The following P3H2 variants were observed in gnomAD, a reference collection of about 807,000 sequenced individuals.
P3H2 encodes the protein leprecan-like 1.
P3H2 carries 80 observed loss-of-function variants against 87.0 expected under a neutral mutation model. That is an observed-to-expected ratio of 0.92 (90% CI 0.77 to 1.11). The LOEUF is 1.11. P3H2 is among the 50% of genes least tolerant of loss of function. The pLI is 0.00. For missense variants in P3H2, 1,001 were observed against 923.9 expected (o/e 1.08, Z -1.08); for synonymous variants, 367 against 359.3 (o/e 1.02, Z -0.24).
intron 8 of P3H2, among the ~76,000 whole-genome samples, chr3:189,976,437 G>A (rs931558265): frequency 2.6e-5 from 4 of 152,266 alleles, no homozygotes; most frequent in South Asian, 2.1e-4. Flanking sequence ...GGAAACTCCC[G>A]TTTATAAAAC....
intron 1 of P3H2, among the ~76,000 whole-genome samples, chr3:190,042,624 A>G (rs1577291793): frequency 6.6e-6 from 1 of 152,230 alleles, no homozygotes; most frequent in Non-Finnish European, 1.5e-5. Context: ...AACCTTATGA[A>G]TAAAAGTACA....
At chr3:189,972,396 T>C (rs944108293) in intron 11 of P3H2, among the ~76,000 whole-genome samples, 4 of 152,210 alleles carry the variant, frequency 2.6e-5, no homozygotes, top group East Asian at 1.9e-4. Flanking sequence ...TCTACTCCTA[T>C]GACATCATTA....
intron 1 of P3H2, among the ~76,000 whole-genome samples, chr3:190,107,202 T>A (rs1444110577): frequency 1.3e-5 from 2 of 152,184 alleles, no homozygotes; most frequent in African/African-American, 4.8e-5. Context: ...ACATTTTTCG[T>A]TATTAGTTTA....
intron 1 of P3H2, among the ~76,000 whole-genome samples, chr3:190,024,970 AGACT>A (rs1286296810): frequency 6.6e-6 from 1 of 152,122 alleles, no homozygotes; most frequent in Non-Finnish European, 1.5e-5. Context: ...GTCCAAAAAC[AGACT>A]GACTTATCAA....
chr3:190,103,992 A>G (rs1479773541), intron 1 of P3H2, among the ~76,000 whole-genome samples: 1 of 151,990 alleles, frequency 6.6e-6, no homozygotes, highest in African/African-American at 2.4e-5. Flanking sequence ...GGACTTCACT[A>G]TGTTGGCCAG....
chr3:189,963,499 CA>C (rs1722877244), intron 14 of P3H2: 1 of 182,090 alleles, frequency 5.5e-6, no homozygotes, highest in African/African-American at 2.4e-5. Context: ...GGCTGAAGTG[CA>C]GTGGTGCGAT....
chr3:190,054,206 T>C (rs1483921209), intron 1 of P3H2, among the ~76,000 whole-genome samples: 1 of 152,200 alleles, frequency 6.6e-6, no homozygotes, highest in Non-Finnish European at 1.5e-5. Context: ...GCCTTATTTA[T>C]CATCATTAAT....
chr3:190,029,023 A>C (rs757766282), intron 1 of P3H2, among the ~76,000 whole-genome samples: 16 of 152,240 alleles, frequency 1.1e-4, no homozygotes, highest in Non-Finnish European at 2.2e-4. Context: ...CTACTAATTC[A>C]AAAAGTCATT....
At chr3:189,963,112 A>G (rs1335508879) in intron 14 of P3H2, among the ~76,000 whole-genome samples, 2 of 152,090 alleles carry the variant, frequency 1.3e-5, no homozygotes, top group Non-Finnish European at 2.9e-5. Context: ...GTGGAGCCCA[A>G]ATTTTCCCTC....
At chr3:190,069,963 TTC>T (rs1726644040) in intron 1 of P3H2, among the ~76,000 whole-genome samples, 1 of 149,080 alleles carries the variant, frequency 6.7e-6, no homozygotes, top group African/African-American at 2.6e-5. Context: ...TTTTTTTTTT[TTC>T]TTCTTCTTCT....
chr3:190,092,437 AGCAAAATAGCTAGTGCTTAAG>A (rs1727438230), intron 1 of P3H2, among the ~76,000 whole-genome samples: 1 of 152,246 alleles, frequency 6.6e-6, no homozygotes, highest in East Asian at 1.9e-4. Context: ...ACAGTTGCTT[AGCAAAATAGCTAGTGCTTAAG>A]GCAAGGAACG....
chr3:189,979,406 CA>C (rs1375206980), intron 8 of P3H2, among the ~76,000 whole-genome samples: 3 of 151,824 alleles, frequency 2.0e-5, no homozygotes, highest in Non-Finnish European at 2.9e-5. Flanking sequence ...CCAGCTTGGG[CA>C]ACAGAGTGAG....
intron 1 of P3H2, among the ~76,000 whole-genome samples, chr3:190,038,979 C>T (rs866622279): frequency 1.3e-5 from 2 of 152,072 alleles, no homozygotes; most frequent in Non-Finnish European, 2.9e-5. Context: ...CACCTGAGGT[C>T]GCGAGTTCAA....
At chr3:190,041,191 G>T (rs1396241349) in intron 1 of P3H2, among the ~76,000 whole-genome samples, 1 of 140,102 alleles carries the variant, frequency 7.1e-6, no homozygotes, top group East Asian at 2.1e-4. Flanking sequence ...AGGATCATTT[G>T]AGCCTAGGAG....
chr3:190,080,227 A>T (rs1392679881), intron 1 of P3H2, among the ~76,000 whole-genome samples: 1 of 152,178 alleles, frequency 6.6e-6, no homozygotes, highest in Middle Eastern at 3.2e-3. Context: ...CCAGTATTTG[A>T]TTGGAGTTGG....
intron 8 of P3H2, among the ~76,000 whole-genome samples, chr3:189,975,103 T>C (rs970589577): frequency 1.3e-5 from 2 of 152,178 alleles, no homozygotes; most frequent in African/African-American, 4.8e-5. Flanking sequence ...CACCTCAGTT[T>C]CACTGGTGTC....
intron 1 of P3H2, among the ~76,000 whole-genome samples, chr3:190,006,403 C>A (rs1724389951): frequency 6.6e-6 from 1 of 152,178 alleles, no homozygotes; most frequent in African/African-American, 2.4e-5. Flanking sequence ...ATTTTAGTCA[C>A]CACTATTTCA....
chr3:190,088,496 G>A (rs1727300290), intron 1 of P3H2, among the ~76,000 whole-genome samples: 1 of 152,136 alleles, frequency 6.6e-6, no homozygotes, highest in East Asian at 1.9e-4. Context: ...CTTGTATTTA[G>A]GTTGTTACCA....
rs531418316 is a variant in P3H2 at position 190,002,754 on chromosome 3, T to G, written c.481-7312A>C. 4.6e-5 allele frequency among the ~76,000 whole-genome samples: 7 copies of G among 152,352 alleles called. No individual in the cohort carries two copies. In the South Asian group the frequency reaches 1.5e-3, roughly 32 times the overall value. On this transcript the variant is annotated intron_variant, in intron 1 of 14. Transcript: ENST00000319332. ...AGCTGGCATATTTCACTTTTTTCTT[T>G]GAGTGTTTTTGTTTCCATTTCAAAA...
Sources: gnomAD v4.1 joint callset for allele counts (sites outside exome capture counted in the v4.1 genomes callset) on GRCh38, gnomAD v4.1.1 for gene constraint, MANE v1.5 for transcripts, NCBI Gene and HGNC (gene_info 2026-07-23, HGNC 2026-07-21) for gene names.